Variants in TNS3 observed in about 807,000 individuals in gnomAD.
The protein encoded by TNS3 is tensin 3, also known as tensin-3.
TNS3 carries 45 observed loss-of-function variants against 140.9 expected under a neutral mutation model. The ratio of observed to expected loss-of-function variants is 0.32; its 90% CI spans 0.25 to 0.41. The LOEUF (loss-of-function observed/expected upper bound fraction) is 0.41, where lower values mean the gene tolerates loss of function less well. Among genes scored for constraint, TNS3 ranks in the 10% least tolerant of loss-of-function variants. The pLI is 1.00. For synonymous variants in TNS3, 815 were observed against 788.4 expected (o/e 1.03, Z -0.56); for missense variants, 1,716 against 1,906.7 (o/e 0.90, Z 1.86).
At chr7:47,312,398 T>C (rs1199564398) in intron 20 of TNS3, among the ~76,000 whole-genome samples, 1 of 152,176 alleles carries the variant, frequency 6.6e-6, no homozygotes, top group Non-Finnish European at 1.5e-5. Flanking sequence ...CGTATTTCTT[T>C]TCCATTAAAA....
At chr7:47,513,496 A>G (rs1798676813) in intron 2 of TNS3, among the ~76,000 whole-genome samples, 1 of 152,242 alleles carries the variant, frequency 6.6e-6, no homozygotes, top group African/African-American at 2.4e-5. Context: ...TTAAATAAGC[A>G]ATGAACAAAG....
At chr7:47,449,468 T>C (rs964357280) in intron 4 of TNS3, among the ~76,000 whole-genome samples, 1 of 152,250 alleles carries the variant, frequency 6.6e-6, no homozygotes, top group Non-Finnish European at 1.5e-5. Flanking sequence ...TCCTCATTCA[T>C]GTATCCCAGC....
chr7:47,537,875 C>G (rs969986007), intron 1 of TNS3, among the ~76,000 whole-genome samples: 1 of 152,062 alleles, frequency 6.6e-6, no homozygotes, highest in African/African-American at 2.4e-5. Context: ...GGATTTCAAG[C>G]AAATATCAAA....
Position 47,303,160 on chromosome 7 carries a change from G to A in TNS3, c.3247C>T (p.Pro1083Ser), listed in dbSNP as rs1786512555. Residue 1083 changes from proline to serine, a missense_variant, in exon 22 of 31, where the codon CCA becomes TCA. Transcript: ENST00000311160. ...VAPGHSSHHSPGLQGQGVTLP... is the reference protein window; with the variant it reads ...VAPGHSSHHSSGLQGQGVTLP... ...GTCACACCCTGGCCCTGCAGGCCTG[G>A]ACTGTGGTGGCTGCTGTGTCCAGGC... The A allele has an allele frequency of 6.2e-7, 1 of 1,613,908 alleles. No homozygotes were observed. The highest frequency in any genetic ancestry group is 2.2e-5 in the East Asian group (1 of 44,880).
At chr7:47,423,133 C>A (rs1357475619) in intron 10 of TNS3, among the ~76,000 whole-genome samples, 1 of 152,194 alleles carries the variant, frequency 6.6e-6, no homozygotes, top group African/African-American at 2.4e-5. Context: ...CTGACATAGC[C>A]CTCAGTTGCA....
chr7:47,287,715 G>A (rs1240694701), intron 27 of TNS3, among the ~76,000 whole-genome samples: 2 of 152,170 alleles, frequency 1.3e-5, no homozygotes, highest in African/African-American at 2.4e-5. Context: ...TTGGAATCGC[G>A]GTTAATGTAA....
chr7:47,502,928 C>T (rs537474672), intron 3 of TNS3, among the ~76,000 whole-genome samples: 1 of 152,126 alleles, frequency 6.6e-6, no homozygotes, highest in Admixed American at 6.5e-5. Context: ...GCAAGCTGGA[C>T]CTTCGCAGCC....
At chr7:47,361,296 C>T (rs539981853) in intron 17 of TNS3, among the ~76,000 whole-genome samples, 2 of 151,646 alleles carry the variant, frequency 1.3e-5, no homozygotes, top group South Asian at 2.1e-4. Context: ...CCTTGGCCCC[C>T]ATCCTGGCCC....
intron 2 of TNS3, among the ~76,000 whole-genome samples, chr7:47,510,220 C>A (rs1338919333): frequency 2.6e-5 from 4 of 152,312 alleles, no homozygotes; most frequent in South Asian, 2.1e-4. Flanking sequence ...ATTACCTGAT[C>A]ACCACTTAGG....
intron 1 of TNS3, chr7:47,557,222 G>A (rs924135755): frequency 1.8e-5 from 8 of 438,526 alleles, no homozygotes; most frequent in Admixed American, 2.4e-5. Context: ...AGCGTCCTAC[G>A]TAAGGGAGAG....
intron 1 of TNS3, among the ~76,000 whole-genome samples, chr7:47,574,666 TATTC>T (rs1225339279): frequency 6.6e-6 from 1 of 151,716 alleles, no homozygotes; most frequent in Non-Finnish European, 1.5e-5. Context: ...CACACGGTAT[TATTC>T]AGCCTTAAAA....
Position 47,386,950 on chromosome 7 carries a change from C to T in TNS3, c.1024+9850G>A, listed in dbSNP as rs541133539. On this transcript the variant is annotated intron_variant, in intron 16 of 30. Coordinates refer to ENST00000311160, the MANE Select transcript of TNS3 (RefSeq NM_022748.12). ...ACCCACTAGTCTCTGACACCTATGC[C>T]TTCTACCTCACATGCCCTGCCCTCC... 6.6e-5 allele frequency among the ~76,000 whole-genome samples: 10 copies of T among 152,326 alleles called. No individual in the cohort carries two copies. In the South Asian group the frequency reaches 2.1e-3, roughly 32 times the overall value.
At chr7:47,508,698 G>A (rs1292923877) in intron 2 of TNS3, among the ~76,000 whole-genome samples, 2 of 152,206 alleles carry the variant, frequency 1.3e-5, no homozygotes, top group Non-Finnish European at 2.9e-5. Flanking sequence ...GAATCAGCTG[G>A]GCTGTGTGAC....
rs376900208 is a variant in TNS3 at position 47,292,797 on chromosome 7, C to T, written c.3850+31G>A. 5.2e-5 allele frequency: 84 copies of T among 1,602,568 alleles called. No individual in the cohort carries two copies. In the African/African-American group the frequency reaches 9.2e-4, roughly 18 times the overall value. On this transcript the variant is annotated intron_variant, in intron 26 of 30. Transcript: ENST00000311160. The stretch of plus-strand genomic sequence containing the variant: ...TGGCCTTGACTGCAGACAATCTACA[C>T]AGAGCCTGACTAGCACTGAGGACCC...
At chr7:47,552,774 AG>A (rs1800098045) in intron 1 of TNS3, among the ~76,000 whole-genome samples, 2 of 152,242 alleles carry the variant, frequency 1.3e-5, no homozygotes, top group South Asian at 2.1e-4. Flanking sequence ...TTGAAGTGAA[AG>A]GAAGAGTCAC....
At chr7:47,553,502 C>T (rs1204089850) in intron 1 of TNS3, among the ~76,000 whole-genome samples, 1 of 152,220 alleles carries the variant, frequency 6.6e-6, no homozygotes, top group Admixed American at 6.5e-5. Context: ...CCTCCCTGTG[C>T]TCTATAAATA....
intron 1 of TNS3, among the ~76,000 whole-genome samples, chr7:47,531,786 G>A (rs926193625): frequency 1.3e-5 from 2 of 152,206 alleles, no homozygotes; most frequent in African/African-American, 4.8e-5. Context: ...CTTCTGAGTT[G>A]GGGTGGGAAC....
intron 3 of TNS3, among the ~76,000 whole-genome samples, chr7:47,503,817 G>C (rs529549677): frequency 6.6e-6 from 1 of 152,260 alleles, no homozygotes; most frequent in Non-Finnish European, 1.5e-5. Flanking sequence ...AGCAGATTCA[G>C]TGTCTGGTGT....
intron 1 of TNS3, among the ~76,000 whole-genome samples, chr7:47,530,836 A>ATATATATATATATAT (rs1236106676): frequency 3.6e-3 from 118 of 33,198 alleles, no homozygotes; most frequent in Non-Finnish European, 4.7e-3. Flanking sequence ...AAAAAAAAAA[A>ATATATATATATATAT]AAATATATAT....
Sources: allele counts gnomAD v4.1 joint callset (sites outside exome capture counted in the v4.1 genomes callset), GRCh38; gene constraint gnomAD v4.1.1; transcripts MANE v1.5; gene names NCBI Gene and HGNC (gene_info 2026-07-23, HGNC 2026-07-21).